SUPT3H: variants seen among roughly 807,000 people sequenced by gnomAD.
SUPT3H encodes transcription initiation protein SPT3 homolog.
A neutral mutation model predicts 44.3 loss-of-function variants in SUPT3H; 44 were observed. That is an observed-to-expected ratio of 0.99 (90% CI 0.78 to 1.28). The LOEUF is 1.28. Among genes scored for constraint, SUPT3H ranks in the 50% most tolerant of loss-of-function variants. The pLI, the probability that SUPT3H is intolerant of heterozygous loss-of-function variation, is 0.00. For synonymous variants in SUPT3H, 124 were observed against 125.6 expected (o/e 0.99, Z 0.09); for missense variants, 380 against 387.1 (o/e 0.98, Z 0.15).
At chr6:45,155,491 T>C (rs893517713) in intron 2 of SUPT3H, among the ~76,000 whole-genome samples, 18 of 152,146 alleles carry the variant, frequency 1.2e-4, no homozygotes, top group African/African-American at 4.1e-4. Context: ...CTTCAACAAA[T>C]CTTTTAACAC....
intron 2 of SUPT3H, among the ~76,000 whole-genome samples, chr6:45,297,730 C>A (rs957003085): frequency 3.9e-5 from 6 of 152,042 alleles, no homozygotes; most frequent in Admixed American, 3.9e-4. Context: ...TCCCTTCTCC[C>A]CATTACTAAT....
intron 10 of SUPT3H, among the ~76,000 whole-genome samples, chr6:44,855,364 A>G (rs1773551504): frequency 1.3e-5 from 2 of 152,172 alleles, no homozygotes; most frequent in South Asian, 4.1e-4. Context: ...GGTAGCAGAC[A>G]TCCTGGCTCT....
rs1037297589 is a variant in SUPT3H at position 45,108,920 on chromosome 6, T to C, written c.102-2914A>G. On this transcript the variant is annotated intron_variant, in intron 2 of 10. Coordinates refer to ENST00000371459, the MANE Select transcript of SUPT3H (RefSeq NM_003599.4). ...TATGCAGATAATATGAGTATCTACA[T>C]AGAAAACCAAAAATCAAGAAACAAA... Among the ~76,000 whole-genome samples, 17 of 152,188 alleles carry C rather than the reference T, an allele frequency of 1.1e-4. No homozygotes were observed. The East Asian group carries it at 2.5e-3, about 22-fold the overall frequency.
intron 2 of SUPT3H, among the ~76,000 whole-genome samples, chr6:45,241,701 A>G (rs1770364131): frequency 6.6e-6 from 1 of 152,168 alleles, no homozygotes; most frequent in Non-Finnish European, 1.5e-5. Context: ...GGTCTCAGCA[A>G]GAGTGAGAGG....
chr6:44,897,208 A>T (rs1041748686), intron 10 of SUPT3H, among the ~76,000 whole-genome samples: 4 of 152,350 alleles, frequency 2.6e-5, no homozygotes, highest in African/African-American at 9.6e-5. Context: ...CAGTGAGGAT[A>T]CACACTTGGT....
intron 6 of SUPT3H, among the ~76,000 whole-genome samples, chr6:44,991,234 T>C (rs989040723): frequency 1.3e-5 from 2 of 152,182 alleles, no homozygotes; most frequent in Admixed American, 1.3e-4. Context: ...TGGCTATTAA[T>C]TGTGAGAGTA....
chr6:45,013,017 G>A (rs1406380221), intron 5 of SUPT3H, among the ~76,000 whole-genome samples: 1 of 152,056 alleles, frequency 6.6e-6, no homozygotes, highest in Non-Finnish European at 1.5e-5. Flanking sequence ...GTTTCTGGCT[G>A]TTTTGCCTCT....
Position 44,828,917 on chromosome 6 carries a change from A to G in SUPT3H, c.*899T>C, listed in dbSNP as rs1164185400. ...TGCTATATTTTGGTTTGTTCCAAAG[A>G]GTTACGGTTCCTCATTTACTGGAGA... On this transcript the variant is annotated 3_prime_UTR_variant, in exon 11 of 11. Coordinates refer to ENST00000371459, the MANE Select transcript of SUPT3H (RefSeq NM_003599.4). 1 of 152,624 alleles carries G rather than the reference A, an allele frequency of 6.6e-6. No homozygotes were observed. Among genetic ancestry groups the G allele is most frequent in the Non-Finnish European group, 1.5e-5 (1 of 68,012 alleles). 9.5% of individuals were successfully genotyped at this position (152,624 alleles called of 1,614,324 possible). A position where few individuals can be genotyped will look rare whatever the true frequency, so the allele number is the denominator to read the frequency against.
intron 3 of SUPT3H, among the ~76,000 whole-genome samples, chr6:45,102,154 A>G (rs1798668432): frequency 1.3e-5 from 2 of 152,216 alleles, no homozygotes; most frequent in South Asian, 2.1e-4. Context: ...AAAAAATTTA[A>G]TATTATAAAA....
chr6:44,810,907 CAA>C (rs397778032), intron 11 of SUPT3H, among the ~76,000 whole-genome samples: 2 of 141,818 alleles, frequency 1.4e-5, no homozygotes, highest in East Asian at 4.2e-4. Context: ...GACTCCATCT[CAA>C]AAAAAAAAAA....
chr6:44,881,373 C>T (rs1268469659), intron 10 of SUPT3H, among the ~76,000 whole-genome samples: 2 of 152,100 alleles, frequency 1.3e-5, no homozygotes, highest in Non-Finnish European at 1.5e-5. Context: ...TACTGGAGCA[C>T]CCAGATTCAT....
intron 2 of SUPT3H, among the ~76,000 whole-genome samples, chr6:45,339,338 C>T (rs1789282424): frequency 6.6e-6 from 1 of 152,002 alleles, no homozygotes; most frequent in African/African-American, 2.4e-5. Context: ...AACAAAACTC[C>T]CTAGATAAAT....
intron 4 of SUPT3H, among the ~76,000 whole-genome samples, chr6:45,016,491 C>G (rs959627897): frequency 5.1e-5 from 5 of 98,110 alleles, no homozygotes; most frequent in South Asian, 4.7e-4. Context: ...TAACCCTCCC[C>G]CCTCCCCCCA....
At chr6:45,355,063 C>T (rs1217078547) in intron 2 of SUPT3H, among the ~76,000 whole-genome samples, 2 of 151,850 alleles carry the variant, frequency 1.3e-5, no homozygotes, top group Admixed American at 6.6e-5. Context: ...CAGACTCAAC[C>T]ACTTGGGCTT....
chr6:45,366,959 C>A (rs1220983991), intron 1 of SUPT3H, among the ~76,000 whole-genome samples: 1 of 152,136 alleles, frequency 6.6e-6, no homozygotes, highest in East Asian at 1.9e-4. Flanking sequence ...TCTAATCTAA[C>A]CACTCCTGTG....
chr6:44,867,827 T>C (rs2153428487), intron 10 of SUPT3H, among the ~76,000 whole-genome samples: 1 of 152,362 alleles, frequency 6.6e-6, no homozygotes, highest in East Asian at 1.9e-4. Context: ...CTCATTAAGC[T>C]ATTGAGTTTC....
At chr6:45,140,864 C>T (rs1321392670) in intron 2 of SUPT3H, among the ~76,000 whole-genome samples, 5 of 152,158 alleles carry the variant, frequency 3.3e-5, no homozygotes, top group Admixed American at 2.6e-4. Flanking sequence ...GAGAGCACAA[C>T]ATCAAGGGGT....
At chr6:45,013,021 TG>T (rs1422881849) in intron 5 of SUPT3H, among the ~76,000 whole-genome samples, 1 of 152,134 alleles carries the variant, frequency 6.6e-6, no homozygotes, top group Non-Finnish European at 1.5e-5. Context: ...CTGGCTGTTT[TG>T]CCTCTACTGT....
intron 2 of SUPT3H, among the ~76,000 whole-genome samples, chr6:45,173,296 AT>A (rs1484665751): frequency 6.6e-6 from 1 of 152,256 alleles, no homozygotes; most frequent in East Asian, 1.9e-4. Context: ...CAAACTTAGT[AT>A]CAAAGGTAAC....
Sources: allele counts gnomAD v4.1 joint callset (sites outside exome capture counted in the v4.1 genomes callset), GRCh38; gene constraint gnomAD v4.1.1; transcripts MANE v1.5; gene names NCBI Gene and HGNC (gene_info 2026-07-23, HGNC 2026-07-21).